FBXO34: variants seen among roughly 807,000 people sequenced by gnomAD.
FBXO34 encodes F-box only protein 34.
FBXO34 carries 12 observed loss-of-function variants against 24.5 expected under a neutral mutation model. The ratio of observed to expected loss-of-function variants is 0.49; its 90% CI spans 0.31 to 0.79. The LOEUF (loss-of-function observed/expected upper bound fraction) is 0.79, where lower values mean the gene tolerates loss of function less well. FBXO34 is among the 30% of genes least tolerant of loss of function. The probability of loss-of-function intolerance (pLI) is 0.04; values close to 1 mark genes in which losing one functional copy is unlikely to be tolerated. For synonymous variants in FBXO34, 320 were observed against 311.9 expected (o/e 1.03, Z -0.27); for missense variants, 823 against 857.7 (o/e 0.96, Z 0.51).
chr14:55,318,772 C>G (rs1323160010), intron 1 of FBXO34, among the ~76,000 whole-genome samples: 1 of 151,992 alleles, frequency 6.6e-6, no homozygotes, highest in Non-Finnish European at 1.5e-5. Flanking sequence ...AATTAGTATT[C>G]CATTGTCTCT....
chr14:55,442,099 G>A, the FBXO34 span, among the ~76,000 whole-genome samples: 3 of 151,176 alleles, frequency 2.0e-5, no homozygotes, highest in Non-Finnish European at 2.9e-5. Context: ...ACGTAAAAAT[G>A]TACAGATTCC....
At chr14:55,426,646 G>A in the FBXO34 span, among the ~76,000 whole-genome samples, 88 of 152,160 alleles carry the variant, frequency 5.8e-4, 1 homozygote, top group South Asian at 8.3e-3. Context: ...GAGAGGATGA[G>A]GGGGAGGCAA....
Position 55,350,963 on chromosome 14 carries a change from T to A in FBXO34, c.573T>A (p.Tyr191Ter). The stretch of plus-strand genomic sequence containing the variant: ...GCATTGAGCACTGTTCTGTGCACTA[T>A]GTGAGTGACAGTGGGGATGGAGTCT... ...ACGIEHCSVHYVSDSGDGVYA... is the reference protein window; with the variant it reads ...ACGIEHCSVH Residue 191 changes from tyrosine to a stop codon, truncating the protein, a stop_gained, in exon 2 of 2, where the codon TAT (tyrosine) becomes TAA (stop). Transcript: ENST00000313833. LOFTEE classifies it low-confidence loss of function (END_TRUNC). 1 of 1,614,194 alleles carries A rather than the reference T, an allele frequency of 6.2e-7. No individual in the cohort carries two copies. Among genetic ancestry groups the A allele is most frequent in the Non-Finnish European group, 8.5e-7 (1 of 1,180,028 alleles).
chr14:55,323,035 C>CAAAAAAAAAAAAAAA (rs1883198711), intron 1 of FBXO34, among the ~76,000 whole-genome samples: 1 of 56,902 alleles, frequency 1.8e-5, no homozygotes, highest in African/African-American at 5.9e-5. Flanking sequence ...AAAAAAAAAG[C>CAAAAAAAAAAAAAAA]AAAAACGGGC....
chr14:55,320,953 A>G (rs1259771247), intron 1 of FBXO34, among the ~76,000 whole-genome samples: 1 of 152,026 alleles, frequency 6.6e-6, no homozygotes, highest in Admixed American at 6.6e-5. Flanking sequence ...TCACTAAAAT[A>G]TTTTTCCTTT....
the FBXO34 span, among the ~76,000 whole-genome samples, chr14:55,415,878 T>A: frequency 6.6e-6 from 1 of 151,590 alleles, no homozygotes; most frequent in African/African-American, 2.4e-5. Context: ...AATAAAAAAA[T>A]GTATGGTGTG....
chr14:55,339,582 G>C (rs1883921727), intron 1 of FBXO34: 1 of 152,132 alleles, frequency 6.6e-6, no homozygotes, highest in South Asian at 2.1e-4. Context: ...GTGTTTGGAG[G>C]ATAAGACAAA....
chr14:55,440,810 C>T, the FBXO34 span, among the ~76,000 whole-genome samples: 1 of 152,076 alleles, frequency 6.6e-6, no homozygotes, highest in Admixed American at 6.5e-5. Context: ...TCTTTGCTCC[C>T]AGGAGAGAAA....
chr14:55,379,991 A>T, the FBXO34 span, among the ~76,000 whole-genome samples: 1 of 152,244 alleles, frequency 6.6e-6, no homozygotes, highest in African/African-American at 2.4e-5. Flanking sequence ...GCTCACCTGT[A>T]ATCCCAGCAC....
chr14:55,426,125 G>A, the FBXO34 span, among the ~76,000 whole-genome samples: 1 of 151,868 alleles, frequency 6.6e-6, no homozygotes, highest in African/African-American at 2.4e-5. Flanking sequence ...AAATTAGCCG[G>A]GTGTGGTGGT....
At position 55,295,637 on chromosome 14, in the gene FBXO34, C is replaced by T. The variant is rs546029330; in HGVS notation, c.-11+24100C>T. ...TCTTGAATTCCTGGCCTCAAGTGAT[C>T]TGCCTGCCTCGGCCTCCCAAAGTGC... On this transcript the variant is annotated intron_variant, in intron 1 of 1. Coordinates refer to ENST00000313833, the MANE Select transcript of FBXO34 (RefSeq NM_017943.4). Among the ~76,000 whole-genome samples the T allele has an allele frequency of 3.3e-5, 5 of 152,280 alleles. No individual in the cohort carries two copies. In the Middle Eastern group the frequency reaches 0.01, roughly 311 times the overall value.
intron 1 of FBXO34, among the ~76,000 whole-genome samples, chr14:55,317,717 C>G (rs1882982723): frequency 6.6e-6 from 1 of 152,186 alleles, no homozygotes; most frequent in Non-Finnish European, 1.5e-5. Context: ...ATACTACAAA[C>G]AACTGCCCTC....
the FBXO34 span, among the ~76,000 whole-genome samples, chr14:55,401,875 G>T: frequency 8.5e-5 from 13 of 152,110 alleles, no homozygotes; most frequent in Non-Finnish European, 1.6e-4. Context: ...GGGAAGGAAG[G>T]GTATGGAGGC....
chr14:55,395,875 T>C, the FBXO34 span: 1 of 1,195,914 alleles, frequency 8.4e-7, no homozygotes, highest in Non-Finnish European at 1.1e-6. Flanking sequence ...TAAAAATAAT[T>C]TTATAAGCTC....
chr14:55,292,359 A>G (rs1357060079), intron 1 of FBXO34, among the ~76,000 whole-genome samples: 2 of 146,490 alleles, frequency 1.4e-5, no homozygotes, highest in Non-Finnish European at 3.0e-5. Flanking sequence ...CTGTATTTAC[A>G]TTTTTTTTTT....
chr14:55,427,850 CA>C, the FBXO34 span, among the ~76,000 whole-genome samples: 1 of 150,642 alleles, frequency 6.6e-6, no homozygotes, highest in Non-Finnish European at 1.5e-5. Flanking sequence ...CACACACACA[CA>C]CAGATAGGGG....
At chr14:55,393,242 G>A in the FBXO34 span, among the ~76,000 whole-genome samples, 24 of 152,112 alleles carry the variant, frequency 1.6e-4, no homozygotes, top group East Asian at 3.3e-3. Context: ...AAACTTAGCC[G>A]GGCGTGGTGG....
intron 1 of FBXO34, among the ~76,000 whole-genome samples, chr14:55,283,198 C>T (rs77006083): frequency 6.6e-6 from 1 of 152,136 alleles, no homozygotes; most frequent in African/African-American, 2.4e-5. Context: ...GAGCTTTATG[C>T]TTTATTGAAT....
At chr14:55,364,358 G>C (rs1373895378), downstream of FBXO34, among the ~76,000 whole-genome samples, 5 of 152,182 alleles carry the variant, frequency 3.3e-5, no homozygotes, top group Admixed American at 3.3e-4. Context: ...AAAAGTCATT[G>C]ATGTAAATAA....
Sources: allele counts gnomAD v4.1 joint callset (sites outside exome capture counted in the v4.1 genomes callset), GRCh38; gene constraint gnomAD v4.1.1; transcripts MANE v1.5; gene names NCBI Gene and HGNC (gene_info 2026-07-23, HGNC 2026-07-21).